Variants in TMEM233 observed in about 807,000 individuals in gnomAD.
TMEM233 encodes the protein dispanin subfamily B member 2.
A neutral mutation model predicts 11.2 loss-of-function variants in TMEM233; 6 were observed. That is an observed-to-expected ratio of 0.54 (90% confidence interval 0.29 to 1.06). The LOEUF is 1.06. Among genes scored for constraint, TMEM233 ranks in the 50% least tolerant of loss-of-function variants. TMEM233 has a pLI of 0.08. For missense variants in TMEM233, 127 were observed against 144.7 expected, an observed-to-expected ratio of 0.88 and a Z score of 0.63; for synonymous variants, 59 against 55.8, an observed-to-expected ratio of 1.06 and a Z score of -0.26.
At chr12:119,644,478 C>CTTTTTTTTTT (rs58075242), downstream of TMEM233, among the ~76,000 whole-genome samples, 5 of 127,002 alleles carry the variant, frequency 3.9e-5, no homozygotes, top group Admixed American at 8.4e-5. Flanking sequence ...TTTTTCTTTT[C>CTTTTTTTTTT]TTTTTTTTTT....
intron 1 of TMEM233, among the ~76,000 whole-genome samples, chr12:119,612,337 A>G (rs557590386): frequency 6.6e-6 from 1 of 151,762 alleles, no homozygotes; most frequent in South Asian, 2.1e-4. Flanking sequence ...TGAGGAGGCC[A>G]GGTGCAGTGA....
At chr12:119,639,900 T>C (rs1566116169) in intron 2 of TMEM233, among the ~76,000 whole-genome samples, 2 of 152,204 alleles carry the variant, frequency 1.3e-5, no homozygotes, top group Non-Finnish European at 1.5e-5. Flanking sequence ...GTGCCCAGCA[T>C]GTAAATAAGC....
At chr12:119,640,403 G>A (rs577576375) in intron 2 of TMEM233, among the ~76,000 whole-genome samples, 7 of 152,216 alleles carry the variant, frequency 4.6e-5, no homozygotes, top group Non-Finnish European at 8.8e-5. Context: ...TGATCCACCC[G>A]CCTCAGCCTC....
intron 2 of TMEM233, chr12:119,631,224 C>A (rs1018169502): frequency 2.6e-5 from 4 of 152,172 alleles, no homozygotes; most frequent in Non-Finnish European, 5.9e-5. Context: ...TGACCAAAGT[C>A]CTACACCCAT....
intron 1 of TMEM233, among the ~76,000 whole-genome samples, chr12:119,620,975 C>T (rs980464359): frequency 4.6e-5 from 7 of 151,706 alleles, no homozygotes; most frequent in African/African-American, 9.7e-5. Flanking sequence ...CAAACTCCTG[C>T]GCTCAAGCAA....
At chr12:119,630,873 T>G (rs1185747108) in intron 2 of TMEM233, among the ~76,000 whole-genome samples, 1 of 152,228 alleles carries the variant, frequency 6.6e-6, no homozygotes, top group East Asian at 1.9e-4. Flanking sequence ...AGCATAACTG[T>G]TTTAGTTTAA....
At position 119,593,787 on chromosome 12, in the gene TMEM233, C is replaced by G. The variant is rs907782111; in HGVS notation, c.-62C>G. 6.0e-5 allele frequency: 89 copies of G among 1,485,338 alleles called. No individual in the cohort carries two copies. The highest frequency in any genetic ancestry group is 7.8e-5 in the Non-Finnish European group (86 of 1,108,816). The allele number at this position is 1,485,338 out of a possible 1,614,324, so 92.0% of individuals were successfully genotyped here. A position where few individuals can be genotyped will look rare whatever the true frequency, so the allele number is the denominator to read the frequency against. On this transcript the variant is annotated 5_prime_UTR_variant, in exon 1 of 3. Coordinates refer to ENST00000426426, the MANE Select transcript of TMEM233 (RefSeq NM_001136534.3). The surrounding 1 kb of genome is among the most constrained non-coding windows in gnomAD (Gnocchi z 4.1). ...CAGAGCCTCGCCACAAGCCGGCGGCCAGAGCCCCAGACCACACAGACCGTG... is the reference window on the plus strand; with the variant it reads ...CAGAGCCTCGCCACAAGCCGGCGGCGAGAGCCCCAGACCACACAGACCGTG...
chr12:119,633,843 G>C (rs1954928912), intron 2 of TMEM233, among the ~76,000 whole-genome samples: 1 of 152,166 alleles, frequency 6.6e-6, no homozygotes, highest in Non-Finnish European at 1.5e-5. Context: ...AAGTACCCAA[G>C]CTTTAGACTC....
downstream of TMEM233, among the ~76,000 whole-genome samples, chr12:119,645,646 C>A (rs1440917259): frequency 1.3e-5 from 2 of 152,150 alleles, no homozygotes; most frequent in African/African-American, 4.8e-5. Flanking sequence ...CTGTGCATTG[C>A]CTGCATGAGG....
At position 119,606,401 on chromosome 12, in the gene TMEM233, G is replaced by A. The variant is rs577938295; in HGVS notation, c.186+12367G>A. 2.0e-5 allele frequency among the ~76,000 whole-genome samples: 3 copies of A among 152,220 alleles called. No homozygotes were observed. The East Asian group carries it at 5.8e-4, about 29-fold the overall frequency. Reference sequence around the variant, plus strand: ...CTAGACATAAAGGAATGAAGATGATGAGGATGGTTTTGAAAGAGAGAAGAT... The same window carrying A: ...CTAGACATAAAGGAATGAAGATGATAAGGATGGTTTTGAAAGAGAGAAGAT... On this transcript the variant is annotated intron_variant, in intron 1 of 2. Coordinates refer to ENST00000426426, the MANE Select transcript of TMEM233 (RefSeq NM_001136534.3).
At chr12:119,618,835 T>G (rs1209727118) in intron 1 of TMEM233, among the ~76,000 whole-genome samples, 1 of 152,152 alleles carries the variant, frequency 6.6e-6, no homozygotes. Context: ...GACTTTTGGA[T>G]TAATGCTGGA....
At chr12:119,627,592 T>C (rs1593303160) in intron 1 of TMEM233, among the ~76,000 whole-genome samples, 2 of 152,092 alleles carry the variant, frequency 1.3e-5, no homozygotes, top group East Asian at 3.9e-4. Flanking sequence ...ACACATGAAC[T>C]AACAGAGTGA....
intron 1 of TMEM233, among the ~76,000 whole-genome samples, chr12:119,628,861 A>C (rs11064856): frequency 0.77 from 116,427 of 152,070 alleles, 44,763 homozygotes; most frequent in Middle Eastern, 0.85. Context: ...GCTAGGCCCC[A>C]GTTCTGGGGC....
chr12:119,651,825 C>CAAAA, the TMEM233 span, among the ~76,000 whole-genome samples: 5 of 79,392 alleles, frequency 6.3e-5, no homozygotes, highest in Non-Finnish European at 9.0e-5. Context: ...GACTCCGTCT[C>CAAAA]AAAAAAAAAA....
At chr12:119,651,709 C>T in the TMEM233 span, among the ~76,000 whole-genome samples, 5 of 151,274 alleles carry the variant, frequency 3.3e-5, no homozygotes, top group Admixed American at 6.6e-5. Context: ...TGCCTGTAAT[C>T]CCAGCTACTC....
In TMEM233 at chr12:119,594,175, T is replaced by G; in HGVS notation, c.186+141T>G. The G allele has an allele frequency of 2.6e-6, 2 of 779,096 alleles. No individual in the cohort carries two copies. Among genetic ancestry groups the G allele is most frequent in the South Asian group, 1.8e-5 (1 of 55,024 alleles). 48.3% of individuals were successfully genotyped at this position (779,096 alleles called of 1,614,324 possible). ...AGGTGTTCTTTGTCCTCGCACCTCC[T>G]CCTCACCTTTCTCGGGCTCTCAGAG... On this transcript the variant is annotated intron_variant, in intron 1 of 2. Transcript: ENST00000426426. The surrounding 1 kb of genome is among the most constrained non-coding windows in gnomAD (Gnocchi z 5.6).
chr12:119,614,880 T>A (rs1166520806), intron 1 of TMEM233, among the ~76,000 whole-genome samples: 1 of 152,120 alleles, frequency 6.6e-6, no homozygotes, highest in Non-Finnish European at 1.5e-5. Context: ...AACTATAATT[T>A]TAATATGATG....
intron 1 of TMEM233, among the ~76,000 whole-genome samples, chr12:119,596,534 C>T (rs1197040468): frequency 6.8e-6 from 1 of 145,988 alleles, no homozygotes; most frequent in African/African-American, 2.6e-5. Context: ...CTCTGTCACC[C>T]AGGCTGGAGT....
At chr12:119,598,515 C>T (rs375783530) in intron 1 of TMEM233, among the ~76,000 whole-genome samples, 1 of 152,132 alleles carries the variant, frequency 6.6e-6, no homozygotes, top group South Asian at 2.1e-4. Context: ...TATTGGGGGA[C>T]AATTCATGGC....
Sources: allele counts gnomAD v4.1 joint callset (sites outside exome capture counted in the v4.1 genomes callset), GRCh38; gene constraint gnomAD v4.1.1; non-coding constraint Gnocchi (gnomAD v3.1); transcripts MANE v1.5; gene names NCBI Gene and HGNC (gene_info 2026-07-23, HGNC 2026-07-21).